Variants in TMEM26 observed in about 807,000 individuals in gnomAD.
The protein encoded by TMEM26 is transmembrane protein 26.
TMEM26 carries 38 observed loss-of-function variants against 28.8 expected under a neutral mutation model. That is an observed-to-expected ratio of 1.32 (90% CI 1.02 to 1.73). The LOEUF is 1.73. Ranked by LOEUF, TMEM26 falls within the 40% of genes most tolerant of loss-of-function variation. The probability of loss-of-function intolerance (pLI) is 0.00; values close to 1 mark genes in which losing one functional copy is unlikely to be tolerated. For missense variants in TMEM26, 518 were observed against 447.1 expected (o/e 1.16, Z -1.43); for synonymous variants, 227 against 182.9 (o/e 1.24, Z -1.95).
intron 5 of TMEM26, among the ~76,000 whole-genome samples, chr10:61,412,031 T>C (rs759404004): frequency 6.6e-6 from 1 of 152,090 alleles, no homozygotes; most frequent in African/African-American, 2.4e-5. Context: ...CCACAAGATA[T>C]GGGAGGGTGA....
chr10:61,427,325 A>T (rs1394370967), intron 4 of TMEM26, among the ~76,000 whole-genome samples: 1 of 152,060 alleles, frequency 6.6e-6, no homozygotes, highest in Non-Finnish European at 1.5e-5. Flanking sequence ...AACAGTCTTG[A>T]TTGAGATAGG....
chr10:61,423,817 A>T (rs551734068), intron 4 of TMEM26, among the ~76,000 whole-genome samples: 1 of 152,310 alleles, frequency 6.6e-6, no homozygotes, highest in South Asian at 2.1e-4. Context: ...AAAATTAATT[A>T]GTGTAATCTA....
intron 4 of TMEM26, among the ~76,000 whole-genome samples, chr10:61,423,481 C>T (rs1178036164): frequency 6.6e-6 from 1 of 152,210 alleles, no homozygotes; most frequent in Non-Finnish European, 1.5e-5. Flanking sequence ...CAGTGGCTCA[C>T]ATCTATAATC....
At chr10:61,411,953 A>T (rs1253799860) in intron 5 of TMEM26, among the ~76,000 whole-genome samples, 1 of 152,224 alleles carries the variant, frequency 6.6e-6, no homozygotes, top group Middle Eastern at 3.2e-3. Context: ...CAGCTGCATA[A>T]CATTATCACC....
intron 1 of TMEM26, among the ~76,000 whole-genome samples, chr10:61,447,517 A>G (rs574989654): frequency 3.3e-5 from 5 of 152,298 alleles, no homozygotes; most frequent in African/African-American, 1.2e-4. Context: ...TCTGTTTCCT[A>G]ACTTGTCTTT....
chr10:61,445,391 T>TTA (rs1231144744), intron 1 of TMEM26, among the ~76,000 whole-genome samples: 4 of 152,346 alleles, frequency 2.6e-5, no homozygotes, highest in Non-Finnish European at 5.9e-5. Flanking sequence ...GCAGCACTGA[T>TTA]GTTAGAGAAC....
chr10:61,428,875 G>A (rs2135308503), intron 4 of TMEM26, 51 bp downstream of exon 4: 1 of 1,476,428 alleles, frequency 6.8e-7, no homozygotes, highest in East Asian at 2.3e-5. Flanking sequence ...AGAGACAGGT[G>A]CATGGTCTTG....
At chr10:61,410,870 G>A (rs555374322) in intron 5 of TMEM26, 124 bp from the exon 6 acceptor site, 2 of 1,015,154 alleles carry the variant, frequency 2.0e-6, no homozygotes, top group African/African-American at 1.6e-5. Context: ...TTTAATTACA[G>A]GATGGAAATC....
chr10:61,440,514 C>CAAA (rs60111640), intron 1 of TMEM26, among the ~76,000 whole-genome samples: 17 of 99,000 alleles, frequency 1.7e-4, no homozygotes, highest in South Asian at 3.8e-4. Flanking sequence ...TTCCAGTTCT[C>CAAA]AAAAAAAAAA....
At position 61,429,019 on chromosome 10, in the gene TMEM26, C is replaced by A; in HGVS notation, c.512G>T (p.Arg171Leu). Residue 171 changes from arginine to leucine, a missense_variant, in exon 4 of 6, where the codon CGA becomes CTA. Transcript: ENST00000399298. ...AAGAAGAAGTTGAGAGAGTTGATCT[C>A]GAGTGATCCCGCCTCCAATGGGTAG... ...WLLPIGGGIT[R>L]DQLSQLLLMF... 1 of 1,613,288 alleles carries A rather than the reference C, an allele frequency of 6.2e-7. No homozygotes were observed. The highest frequency in any genetic ancestry group is 8.5e-7 in the Non-Finnish European group (1 of 1,179,458).
intron 3 of TMEM26, 98 bp from the exon 4 acceptor site, chr10:61,429,244 A>C: frequency 1.0e-6 from 1 of 987,128 alleles, no homozygotes; most frequent in Non-Finnish European, 1.5e-6. Context: ...TTGCTTTTGT[A>C]GAGAGTAATT....
chr10:61,452,826 G>A, intron 1 of TMEM26, 65 bp downstream of exon 1: 1 of 1,532,350 alleles, frequency 6.5e-7, no homozygotes, highest in Non-Finnish European at 8.9e-7. Flanking sequence ...AAGATGGCCT[G>A]CGAGTGCGGT....
chr10:61,439,920 A>G (rs1773110041), intron 1 of TMEM26, among the ~76,000 whole-genome samples: 1 of 152,178 alleles, frequency 6.6e-6, no homozygotes, highest in African/African-American at 2.4e-5. Context: ...AATGACTTAT[A>G]TTTTTAAACC....
chr10:61,413,813 A>G (rs983454579), intron 4 of TMEM26: 2 of 1,064,920 alleles, frequency 1.9e-6, no homozygotes, highest in Non-Finnish European at 2.3e-6. Flanking sequence ...AAAATTATGG[A>G]AACATTATGG....
At chr10:61,450,601 A>T (rs1840260465) in intron 1 of TMEM26, among the ~76,000 whole-genome samples, 1 of 151,848 alleles carries the variant, frequency 6.6e-6, no homozygotes, top group Admixed American at 6.5e-5. Context: ...CCATTTACCA[A>T]GACTCATTTG....
At chr10:61,415,559 A>G (rs1839637688) in intron 4 of TMEM26, among the ~76,000 whole-genome samples, 1 of 152,050 alleles carries the variant, frequency 6.6e-6, no homozygotes, top group South Asian at 2.1e-4. Flanking sequence ...TGTTATCTCT[A>G]TTTTATCAAG....
At chr10:61,426,928 G>A (rs12572590) in intron 4 of TMEM26, among the ~76,000 whole-genome samples, 22,305 of 151,898 alleles carry the variant, frequency 0.15, 1,771 homozygotes, top group East Asian at 0.22. Context: ...TAATTTTTAG[G>A]AGAGAGAAAA....
At chr10:61,426,048 T>C (rs1359666571) in intron 4 of TMEM26, among the ~76,000 whole-genome samples, 1 of 152,130 alleles carries the variant, frequency 6.6e-6, no homozygotes, top group African/African-American at 2.4e-5. Context: ...CATGTACATC[T>C]ACTACTGAAT....
chr10:61,430,025 T>C (rs964448919), intron 3 of TMEM26, among the ~76,000 whole-genome samples: 3 of 152,110 alleles, frequency 2.0e-5, no homozygotes, highest in Non-Finnish European at 2.9e-5. Flanking sequence ...GCTATCCTGA[T>C]TGAATCCATA....
Sources: allele counts gnomAD v4.1 joint callset (sites outside exome capture counted in the v4.1 genomes callset), GRCh38; gene constraint gnomAD v4.1.1; transcripts MANE v1.5; gene names NCBI Gene and HGNC (gene_info 2026-07-23, HGNC 2026-07-21).